Variants in SGCZ observed in about 807,000 individuals in gnomAD.
SGCZ encodes the protein sarcoglycan zeta.
A neutral mutation model predicts 41.3 loss-of-function variants in SGCZ; 40 were observed. The ratio of observed to expected loss-of-function variants is 0.97; its 90% confidence interval spans 0.75 to 1.26. The LOEUF (loss-of-function observed/expected upper bound fraction) is 1.26, where lower values mean the gene tolerates loss of function less well. Ranked by LOEUF, SGCZ falls within the 50% of genes most tolerant of loss-of-function variation. The pLI is 0.00. For missense variants in SGCZ, 552 were observed against 369.8 expected (o/e 1.49, Z -4.04); for synonymous variants, 206 against 137.5 (o/e 1.50, Z -3.49).
At chr8:14,198,381 G>C (rs145112273) in intron 4 of SGCZ, among the ~76,000 whole-genome samples, 2 of 152,296 alleles carry the variant, frequency 1.3e-5, no homozygotes, top group South Asian at 4.1e-4. Flanking sequence ...TTCTGCCAAA[G>C]AGAGGTGTTA....
intron 1 of SGCZ, among the ~76,000 whole-genome samples, chr8:15,067,910 G>A (rs1222563042): frequency 2.6e-5 from 4 of 152,226 alleles, no homozygotes; most frequent in African/African-American, 4.8e-5. Flanking sequence ...CAGGTAATGG[G>A]AAGAATAAAA....
At chr8:15,170,878 C>A (rs1799808783) in intron 1 of SGCZ, among the ~76,000 whole-genome samples, 1 of 151,978 alleles carries the variant, frequency 6.6e-6, no homozygotes, top group South Asian at 2.1e-4. Flanking sequence ...TCGTTTAATG[C>A]AACAAAAGAG....
chr8:14,204,207 T>C (rs1224694893), intron 4 of SGCZ, among the ~76,000 whole-genome samples: 1 of 151,474 alleles, frequency 6.6e-6, no homozygotes, highest in East Asian at 1.9e-4. Context: ...TAGATGGGGG[T>C]AATTTGTTTG....
At chr8:14,663,047 GA>G (rs1807805481) in intron 1 of SGCZ, among the ~76,000 whole-genome samples, 1 of 152,126 alleles carries the variant, frequency 6.6e-6, no homozygotes, top group Admixed American at 6.5e-5. Context: ...TGTCCAGAAA[GA>G]AATGCAGTTC....
chr8:14,424,183 G>A (rs1426814452), intron 2 of SGCZ, among the ~76,000 whole-genome samples: 1 of 152,132 alleles, frequency 6.6e-6, no homozygotes, highest in Non-Finnish European at 1.5e-5. Context: ...AATAAGCTGT[G>A]AAGTGTAAGG....
At chr8:14,417,084 G>T (rs1292191904) in intron 2 of SGCZ, among the ~76,000 whole-genome samples, 2 of 151,760 alleles carry the variant, frequency 1.3e-5, no homozygotes, top group Non-Finnish European at 2.9e-5. Flanking sequence ...GACATATGAA[G>T]GGACGTTATT....
chr8:15,002,654 A>G (rs1055619239), intron 1 of SGCZ, among the ~76,000 whole-genome samples: 1 of 152,200 alleles, frequency 6.6e-6, no homozygotes, highest in Non-Finnish European at 1.5e-5. Context: ...CACCTTCTCA[A>G]GCTTTTTGGG....
At chr8:14,376,442 A>T (rs1804133459) in intron 2 of SGCZ, among the ~76,000 whole-genome samples, 1 of 152,228 alleles carries the variant, frequency 6.6e-6, no homozygotes, top group Admixed American at 6.5e-5. Context: ...GTTAGATGAC[A>T]TTTAACCTTT....
intron 1 of SGCZ, among the ~76,000 whole-genome samples, chr8:14,692,016 T>C (rs889235032): frequency 6.6e-6 from 1 of 151,978 alleles, no homozygotes; most frequent in African/African-American, 2.4e-5. Flanking sequence ...GATCAATTGA[T>C]TGAAATAATA....
intron 2 of SGCZ, among the ~76,000 whole-genome samples, chr8:14,467,173 G>A (rs1429719412): frequency 6.6e-6 from 1 of 151,722 alleles, no homozygotes; most frequent in Non-Finnish European, 1.5e-5. Context: ...GACTTCTCCT[G>A]GACATTCATA....
intron 1 of SGCZ, among the ~76,000 whole-genome samples, chr8:14,767,525 G>T (rs1216916366): frequency 6.6e-6 from 1 of 152,206 alleles, no homozygotes; most frequent in Non-Finnish European, 1.5e-5. Flanking sequence ...CAAGGAATGT[G>T]ATGAGGAATG....
intron 3 of SGCZ, among the ~76,000 whole-genome samples, chr8:14,252,500 A>G (rs1459674877): frequency 6.6e-6 from 1 of 152,042 alleles, no homozygotes; most frequent in Non-Finnish European, 1.5e-5. Context: ...GTTAAATTTC[A>G]CTCGAGGTAG....
At chr8:15,203,290 T>A (rs1800956025) in intron 1 of SGCZ, among the ~76,000 whole-genome samples, 1 of 152,306 alleles carries the variant, frequency 6.6e-6, no homozygotes, top group African/African-American at 2.4e-5. Flanking sequence ...TTCTAAACGG[T>A]CTTTTGCCTT....
chr8:14,772,970 A>G (rs1456039697), intron 1 of SGCZ, among the ~76,000 whole-genome samples: 1 of 152,130 alleles, frequency 6.6e-6, no homozygotes, highest in Non-Finnish European at 1.5e-5. Context: ...GTCAAATGGC[A>G]TCTCTAGTTC....
intron 1 of SGCZ, among the ~76,000 whole-genome samples, chr8:14,903,606 A>C (rs1320947488): frequency 6.6e-6 from 1 of 152,058 alleles, no homozygotes; most frequent in Non-Finnish European, 1.5e-5. Flanking sequence ...AAAATTAGAA[A>C]AGTTTCAGTC....
chr8:14,512,763 C>T (rs1802504387), intron 2 of SGCZ, among the ~76,000 whole-genome samples: 1 of 151,992 alleles, frequency 6.6e-6, no homozygotes, highest in Non-Finnish European at 1.5e-5. Context: ...CCACACCCGG[C>T]TAGATGCTCA....
At chr8:14,756,972 C>A (rs888812250) in intron 1 of SGCZ, among the ~76,000 whole-genome samples, 1 of 152,180 alleles carries the variant, frequency 6.6e-6, no homozygotes, top group Admixed American at 6.5e-5. Flanking sequence ...TGTTTGAGAT[C>A]TGGAATAACC....
intron 1 of SGCZ, among the ~76,000 whole-genome samples, chr8:14,648,427 C>T (rs1305042531): frequency 6.6e-6 from 1 of 151,938 alleles, no homozygotes; most frequent in Non-Finnish European, 1.5e-5. Flanking sequence ...TTGGATCAAA[C>T]AAACAAACCA....
intron 2 of SGCZ, among the ~76,000 whole-genome samples, chr8:14,328,971 G>A (rs960186241): frequency 6.6e-6 from 1 of 152,186 alleles, no homozygotes; most frequent in Admixed American, 6.5e-5. Flanking sequence ...CAACTTGGAA[G>A]CAAACAGCAG....
Sources: gnomAD v4.1 joint callset for allele counts (sites outside exome capture counted in the v4.1 genomes callset) on GRCh38, gnomAD v4.1.1 for gene constraint, MANE v1.5 for transcripts, NCBI Gene and HGNC (gene_info 2026-07-23, HGNC 2026-07-21) for gene names.